The following TWIST2 variants were observed in gnomAD, a reference collection of about 807,000 sequenced individuals.
The protein encoded by TWIST2 is twist-related protein 2.
Under a neutral mutation model 11.6 loss-of-function variants are expected in TWIST2, and 1 was observed. The ratio of observed to expected loss-of-function variants is 0.09; its 90% CI spans 0.03 to 0.41. TWIST2 has a LOEUF of 0.41. TWIST2 is among the 10% of genes least tolerant of loss of function. TWIST2 has a pLI of 0.98. For missense variants in TWIST2, 168 were observed against 226.4 expected (o/e 0.74, Z 1.66); for synonymous variants, 87 against 96.6 (o/e 0.90, Z 0.58).
chr2:238,868,845 C>T (rs371540774), intron 1 of TWIST2, among the ~76,000 whole-genome samples: 10 of 152,302 alleles, frequency 6.6e-5, no homozygotes, highest in Non-Finnish European at 1.0e-4. Flanking sequence ...GCGTGCCGGC[C>T]GGTGCAGGGG....
Position 238,906,777 on chromosome 2 carries a change from C to T in TWIST2, c.*36-3065C>T, listed in dbSNP as rs994299711. On this transcript the variant is annotated intron_variant, in intron 1 of 1. Coordinates refer to ENST00000612363, the MANE Select transcript of TWIST2 (RefSeq NM_001271893.4). ...CCTGTGGCAGAATCCTCACGGTGACCCCTCTCCTGGCGGCCGCCTTGGGGA... is the reference window on the plus strand; with the variant it reads ...CCTGTGGCAGAATCCTCACGGTGACTCCTCTCCTGGCGGCCGCCTTGGGGA... 2.2e-3 allele frequency among the ~76,000 whole-genome samples: 335 copies of T among 152,292 alleles called. 2 individuals carry two copies. The highest frequency in any genetic ancestry group is 7.8e-3 in the African/African-American group (323 of 41,564).
At chr2:238,900,519 C>A (rs1693255986) in intron 1 of TWIST2, among the ~76,000 whole-genome samples, 1 of 152,214 alleles carries the variant, frequency 6.6e-6, no homozygotes, top group South Asian at 2.1e-4. Context: ...GAGAAAGAAG[C>A]CCCAGGAATA....
intron 1 of TWIST2, among the ~76,000 whole-genome samples, chr2:238,906,904 A>G (rs1693363215): frequency 6.6e-6 from 1 of 152,138 alleles, no homozygotes; most frequent in East Asian, 1.9e-4. Flanking sequence ...GGCTCAGGGG[A>G]GTTCTCCAAT....
chr2:238,872,076 A>G (rs1389607948), intron 1 of TWIST2, among the ~76,000 whole-genome samples: 1 of 152,200 alleles, frequency 6.6e-6, no homozygotes, highest in Non-Finnish European at 1.5e-5. Context: ...GGATTAAATT[A>G]TTTCCGGGGA....
intron 1 of TWIST2, among the ~76,000 whole-genome samples, chr2:238,900,087 T>G (rs1693250854): frequency 6.6e-6 from 1 of 152,256 alleles, no homozygotes; most frequent in African/African-American, 2.4e-5. Context: ...TTAATTCTCT[T>G]ATAAAACAAG....
chr2:238,851,743 A>G (rs970029119), intron 1 of TWIST2, among the ~76,000 whole-genome samples: 1 of 152,230 alleles, frequency 6.6e-6, no homozygotes, highest in Non-Finnish European at 1.5e-5. Context: ...AAGAACAGAA[A>G]TGCAGAATCC....
intron 1 of TWIST2, among the ~76,000 whole-genome samples, chr2:238,883,563 A>G (rs1692977293): frequency 6.6e-6 from 1 of 152,238 alleles, no homozygotes; most frequent in South Asian, 2.1e-4. Flanking sequence ...ATCACTCCCT[A>G]TCCTTTAACT....
At chr2:238,903,470 ATG>A (rs1211468913) in intron 1 of TWIST2, among the ~76,000 whole-genome samples, 4 of 85,548 alleles carry the variant, frequency 4.7e-5, no homozygotes, top group African/African-American at 1.9e-4. Context: ...GGTGTGTGTG[ATG>A]TGTGTGCATG....
At chr2:238,872,442 C>G (rs1045413553) in intron 1 of TWIST2, among the ~76,000 whole-genome samples, 3 of 152,170 alleles carry the variant, frequency 2.0e-5, no homozygotes, top group Admixed American at 6.5e-5. Context: ...AAGGTTGAAT[C>G]CAAACCCTTG....
intron 1 of TWIST2, among the ~76,000 whole-genome samples, chr2:238,879,651 T>C (rs952526613): frequency 1.3e-5 from 2 of 152,136 alleles, no homozygotes; most frequent in Non-Finnish European, 2.9e-5. Context: ...AAGTTAGTGG[T>C]TAGCAGGATC....
rs955590975 is a variant in TWIST2 at position 238,866,614 on chromosome 2, G to A, written c.*35+17881G>A. Among the ~76,000 whole-genome samples the A allele has an allele frequency of 3.3e-5, 5 of 152,020 alleles. No individual in the cohort carries two copies. Among genetic ancestry groups the A allele is most frequent in the African/African-American group, 9.7e-5 (4 of 41,400 alleles). ...GGAGGTTGCAGTGAGCTGAGATCGC[G>A]CCACTGTACTCCAGCCTGGGTGACA... On this transcript the variant is annotated intron_variant, in intron 1 of 1. Transcript: ENST00000612363. This position sits in a 1 kb window ranked among gnomAD's most constrained non-coding sequence, Gnocchi z 4.9.
chr2:238,866,238 C>A lies in TWIST2; in HGVS notation c.*35+17505C>A, dbSNP rs534743879. 3.3e-5 allele frequency among the ~76,000 whole-genome samples: 5 copies of A among 152,324 alleles called. 1 individual carries two copies. Among genetic ancestry groups the A allele is most frequent in the African/African-American group, 1.2e-4 (5 of 41,574 alleles). ...GTGAGCTGCCTCTGAGCCCTGGGCACCCTCCATGGCGAGCTCCCCAGGCCA... is the reference window on the plus strand; with the variant it reads ...GTGAGCTGCCTCTGAGCCCTGGGCAACCTCCATGGCGAGCTCCCCAGGCCA... On this transcript the variant is annotated intron_variant, in intron 1 of 1. Coordinates refer to ENST00000612363, the MANE Select transcript of TWIST2 (RefSeq NM_001271893.4). The surrounding 1 kb of genome is among the most constrained non-coding windows in gnomAD (Gnocchi z 4.9).
chr2:238,887,033 A>G (rs900803244), intron 1 of TWIST2: 3 of 152,082 alleles, frequency 2.0e-5, no homozygotes, highest in African/African-American at 7.2e-5. Flanking sequence ...AACCTTCACC[A>G]AGGTCTTGGA....
intron 1 of TWIST2, among the ~76,000 whole-genome samples, chr2:238,859,014 C>T (rs1471362999): frequency 6.6e-6 from 1 of 152,146 alleles, no homozygotes; most frequent in Non-Finnish European, 1.5e-5. Flanking sequence ...GAGTTCAAGA[C>T]CAGCCTGGCC....
intron 1 of TWIST2, among the ~76,000 whole-genome samples, chr2:238,876,622 T>G (rs1387321208): frequency 6.6e-6 from 1 of 152,210 alleles, no homozygotes; most frequent in Non-Finnish European, 1.5e-5. Context: ...GAGCTTAGAT[T>G]AAATTCTAGA....
At chr2:238,878,379 G>A (rs534652771) in intron 1 of TWIST2, among the ~76,000 whole-genome samples, 23 of 152,328 alleles carry the variant, frequency 1.5e-4, no homozygotes, top group Non-Finnish European at 3.2e-4. Context: ...CTAATCTAGA[G>A]TGAAATGGCC....
chr2:238,856,313 A>C (rs1268171368), intron 1 of TWIST2, among the ~76,000 whole-genome samples: 1 of 152,236 alleles, frequency 6.6e-6, no homozygotes, highest in South Asian at 2.1e-4. Context: ...TTCTGAGAAT[A>C]GAGATTTCCT....
At chr2:238,872,135 G>T (rs1449548166) in intron 1 of TWIST2, among the ~76,000 whole-genome samples, 2 of 152,182 alleles carry the variant, frequency 1.3e-5, no homozygotes, top group Non-Finnish European at 2.9e-5. Context: ...GGCTGGGGGG[G>T]TCCCACAGTG....
intron 1 of TWIST2, among the ~76,000 whole-genome samples, chr2:238,892,464 T>A (rs948476773): frequency 2.7e-4 from 41 of 152,020 alleles, no homozygotes; most frequent in African/African-American, 9.4e-4. Context: ...TCTAATATGG[T>A]TTTTTGTTTG....
Sources: gnomAD v4.1 joint callset for allele counts (sites outside exome capture counted in the v4.1 genomes callset) on GRCh38, gnomAD v4.1.1 for gene constraint, Gnocchi (gnomAD v3.1) non-coding constraint, MANE v1.5 for transcripts, NCBI Gene and HGNC (gene_info 2026-07-23, HGNC 2026-07-21) for gene names.